Variants in PRKAR1B observed in about 807,000 individuals in gnomAD.
PRKAR1B encodes protein kinase cAMP-dependent type I regulatory subunit beta, also known as cAMP-dependent protein kinase type I-beta regulatory subunit.
Under a neutral mutation model 46.5 loss-of-function variants are expected in PRKAR1B, and 22 were observed. That is an observed-to-expected ratio of 0.47 (90% confidence interval 0.34 to 0.68). The LOEUF (loss-of-function observed/expected upper bound fraction) is 0.68. Ranked by LOEUF, PRKAR1B falls within the 30% of genes least tolerant of loss-of-function variation. The pLI, the probability that PRKAR1B is intolerant of heterozygous loss-of-function variation, is 0.01. For missense variants in PRKAR1B, 445 were observed against 535.6 expected (o/e 0.83, Z 1.67); for synonymous variants, 259 against 217.7 (o/e 1.19, Z -1.67).
chr7:680,436 C>T, intron 3 of PRKAR1B, 120 bp downstream of exon 3: 1 of 1,050,842 alleles, frequency 9.5e-7, no homozygotes, highest in South Asian at 1.7e-5. Context: ...CTCCCTCCAA[C>T]CAGGATGACA....
chr7:677,044 G>A (rs917256098), intron 4 of PRKAR1B, among the ~76,000 whole-genome samples, 185 bp downstream of exon 4: 1 of 150,568 alleles, frequency 6.6e-6, no homozygotes, highest in Non-Finnish European at 1.5e-5. Flanking sequence ...GCAAGCAACG[G>A]GGCCTGCCCA....
rs1056344407 is a variant in PRKAR1B, at chr7:613,692, C to T, written c.441-6240G>A. Among the ~76,000 whole-genome samples the T allele has an allele frequency of 3.9e-5, 6 of 152,244 alleles. No homozygotes were observed. In the East Asian group the frequency reaches 1.2e-3, roughly 29 times the overall value. ...CACTACGAGGGCCCACCGACCAACA[C>T]GGTACACCGAGGGTGAAAAAGCCAC... On this transcript the variant is annotated intron_variant, in intron 4 of 10. Transcript: ENST00000537384.
At chr7:563,648 C>G (rs890080120) in intron 9 of PRKAR1B, among the ~76,000 whole-genome samples, 4 of 151,454 alleles carry the variant, frequency 2.6e-5, no homozygotes, top group African/African-American at 9.8e-5. Flanking sequence ...TGTGCCAGAA[C>G]AGAAGTCTGT....
At chr7:624,519 A>C (rs1783279210) in intron 4 of PRKAR1B, among the ~76,000 whole-genome samples, 1 of 152,194 alleles carries the variant, frequency 6.6e-6, no homozygotes, top group African/African-American at 2.4e-5. Context: ...TAAAATATAT[A>C]AGATGTGGCT....
At chr7:597,161 A>G (rs1360390617) in intron 6 of PRKAR1B, among the ~76,000 whole-genome samples, 1 of 152,268 alleles carries the variant, frequency 6.6e-6, no homozygotes, top group Non-Finnish European at 1.5e-5. Flanking sequence ...AGCTTAAAGA[A>G]TAGTTCCCAT....
intron 2 of PRKAR1B, among the ~76,000 whole-genome samples, chr7:706,661 G>A (rs1452848711): frequency 8.9e-5 from 13 of 146,326 alleles, no homozygotes; most frequent in South Asian, 4.3e-4. Context: ...TCCTGACCTC[G>A]TGATCCGCCC....
chr7:617,365 T>C (rs1293621174), intron 4 of PRKAR1B, among the ~76,000 whole-genome samples: 1 of 149,304 alleles, frequency 6.7e-6, no homozygotes, highest in African/African-American at 2.5e-5. Context: ...AGTGCAGTGG[T>C]AGCATCACAG....
At position 592,306 on chromosome 7, in the gene PRKAR1B, C is replaced by A. The variant is rs554235052; in HGVS notation, c.708+3840G>T. On this transcript the variant is annotated intron_variant, in intron 7 of 10. Transcript: ENST00000537384. ...TCGAGGCTCGGGGACCCTCCGTGAC[C>A]TTAGCAGCGTCCTCGAGGCTACAAG... Among the ~76,000 whole-genome samples the A allele has an allele frequency of 2.3e-3, 356 of 152,370 alleles. 1 individual carries two copies. The highest frequency in any genetic ancestry group is 8.1e-3 in the African/African-American group (339 of 41,598).
At chr7:675,376 A>T (rs966530619) in intron 4 of PRKAR1B, among the ~76,000 whole-genome samples, 1 of 152,234 alleles carries the variant, frequency 6.6e-6, no homozygotes, top group Non-Finnish European at 1.5e-5. Flanking sequence ...AGCCCCCACC[A>T]GACCACCACA....
chr7:651,434 C>A (rs1784897148), intron 4 of PRKAR1B, among the ~76,000 whole-genome samples: 2 of 152,252 alleles, frequency 1.3e-5, no homozygotes, highest in South Asian at 4.1e-4. Flanking sequence ...CTCTGACTCC[C>A]AGGGCCCTGT....
intron 4 of PRKAR1B, among the ~76,000 whole-genome samples, chr7:642,732 C>CAA (rs1248939007): frequency 2.7e-5 from 2 of 74,204 alleles, no homozygotes. Flanking sequence ...GACTCCGTCT[C>CAA]AAAAAAAAAA....
intron 3 of PRKAR1B, 80 bp from the exon 4 acceptor site, chr7:677,400 C>A (rs562623900): frequency 8.6e-7 from 1 of 1,166,328 alleles, no homozygotes; most frequent in East Asian, 2.3e-5. Context: ...CCTACTCCAC[C>A]CTCAGCCTGC....
intron 4 of PRKAR1B, among the ~76,000 whole-genome samples, chr7:641,200 C>A (rs1248915781): frequency 6.6e-6 from 1 of 152,168 alleles, no homozygotes; most frequent in Non-Finnish European, 1.5e-5. Flanking sequence ...GATCCGCCCG[C>A]CTCGGCCTCC....
chr7:584,559 G>T lies in PRKAR1B; in HGVS notation c.718C>A (p.Leu240Met). The part of the protein sequence containing the change: ...SYRRILMGST[L>M]RKRKMYEEFL... ...TCCTCGTACATCTTGCGTTTCCTCA[G>T]CGTGCTGCCCTGTTCGGGAGAAAGT... Residue 240 changes from leucine to methionine, a missense_variant, in exon 8 of 11, where the codon CTG (leucine) becomes ATG (methionine). Transcript: ENST00000537384. The T allele has an allele frequency of 6.2e-7, 1 of 1,613,790 alleles. No individual in the cohort carries two copies. The highest frequency in any genetic ancestry group is 2.2e-5 in the East Asian group (1 of 44,884).
intron 7 of PRKAR1B, among the ~76,000 whole-genome samples, chr7:592,142 A>G (rs1781011707): frequency 6.6e-6 from 1 of 152,156 alleles, no homozygotes; most frequent in Admixed American, 6.5e-5. Context: ...CAGGGTCCCC[A>G]CGTGCACACT....
At chr7:583,410 A>G (rs577633601) in intron 8 of PRKAR1B, among the ~76,000 whole-genome samples, 39 of 61,964 alleles carry the variant, frequency 6.3e-4, no homozygotes, top group African/African-American at 1.5e-3. Flanking sequence ...ACACGTGTGC[A>G]CACCCACGCA....
At chr7:687,821 C>G (rs1029788007) in intron 2 of PRKAR1B, among the ~76,000 whole-genome samples, 2 of 152,158 alleles carry the variant, frequency 1.3e-5, no homozygotes, top group Admixed American at 1.3e-4. Context: ...ACCGGCCGGG[C>G]ATGGTGGCTC....
intron 9 of PRKAR1B, among the ~76,000 whole-genome samples, chr7:572,682 G>C (rs1291194750): frequency 6.6e-6 from 1 of 152,358 alleles, no homozygotes; most frequent in African/African-American, 2.4e-5. Flanking sequence ...ATTGCAGACT[G>C]GGCCAGCCCT....
intron 6 of PRKAR1B, among the ~76,000 whole-genome samples, chr7:601,334 A>G (rs1781580509): frequency 1.3e-5 from 2 of 152,146 alleles, no homozygotes; most frequent in South Asian, 4.1e-4. Flanking sequence ...CCAGCAAACA[A>G]CATGCAGCAC....
Sources: allele counts gnomAD v4.1 joint callset (sites outside exome capture counted in the v4.1 genomes callset), GRCh38; gene constraint gnomAD v4.1.1; transcripts MANE v1.5; gene names NCBI Gene and HGNC (gene_info 2026-07-23, HGNC 2026-07-21).